GPR137C: variants seen among roughly 807,000 people sequenced by gnomAD.
The protein encoded by GPR137C is integral membrane protein GPR137C.
In GPR137C, 27 loss-of-function variants were observed where a neutral mutation model predicts 43.4. The observed-to-expected ratio is 0.62, with a 90% CI of 0.46 to 0.86. The LOEUF (loss-of-function observed/expected upper bound fraction) is 0.86, where lower values mean the gene tolerates loss of function less well. Ranked by LOEUF, GPR137C falls within the 40% of genes least tolerant of loss-of-function variation. The probability of loss-of-function intolerance (pLI) is 0.00; values close to 1 mark genes in which losing one functional copy is unlikely to be tolerated. For missense variants in GPR137C, 522 were observed against 534.6 expected (o/e 0.98, Z 0.23); for synonymous variants, 285 against 226.9 (o/e 1.26, Z -2.30).
chr14:52,583,403 C>T (rs1408021602), intron 1 of GPR137C, among the ~76,000 whole-genome samples: 1 of 152,140 alleles, frequency 6.6e-6, no homozygotes, highest in Non-Finnish European at 1.5e-5. Context: ...CCTGGTTATG[C>T]TTCTATAATG....
intron 1 of GPR137C, 89 bp downstream of exon 1, chr14:52,553,680 G>T: frequency 6.0e-6 from 4 of 672,268 alleles, no homozygotes; most frequent in Non-Finnish European, 7.4e-6. Flanking sequence ...GGGGCGGGGG[G>T]TGGGCAGCGA....
chr14:52,596,883 A>C lies in GPR137C; in HGVS notation c.445-1389A>C, dbSNP rs941885879. The C allele has an allele frequency of 1.3e-5, 6 of 453,708 alleles. No homozygotes were observed. The Admixed American group carries it at 1.4e-4, about 11-fold the overall frequency. The allele number at this position is 453,708 out of a possible 1,614,324, so 28.1% of individuals were successfully genotyped here. A position where few individuals can be genotyped will look rare whatever the true frequency, so the allele number is the denominator to read the frequency against. ...AACCAGGTACCTCAATTGGAAATGC[A>C]GAAATCACCTGTCTTCTGCGTCAAC... On this transcript the variant is annotated intron_variant, in intron 1 of 6. Transcript: ENST00000321662.
chr14:52,593,688 A>G (rs1594794917), intron 1 of GPR137C, among the ~76,000 whole-genome samples: 1 of 152,122 alleles, frequency 6.6e-6, no homozygotes, highest in East Asian at 1.9e-4. Context: ...CCCCTTTATC[A>G]TTTTTTGTTG....
chr14:52,568,744 A>G (rs2038414401), intron 1 of GPR137C, among the ~76,000 whole-genome samples: 1 of 152,128 alleles, frequency 6.6e-6, no homozygotes, highest in East Asian at 1.9e-4. Flanking sequence ...GCCTCTGTAG[A>G]TTTCTCCTCT....
intron 1 of GPR137C, among the ~76,000 whole-genome samples, chr14:52,572,161 C>A (rs2038481010): frequency 6.6e-6 from 1 of 152,170 alleles, no homozygotes; most frequent in African/African-American, 2.4e-5. Context: ...CAAACTTTAC[C>A]AGAGGTACAA....
chr14:52,569,153 A>G (rs2038424046), intron 1 of GPR137C, among the ~76,000 whole-genome samples: 1 of 152,226 alleles, frequency 6.6e-6, no homozygotes, highest in South Asian at 2.1e-4. Flanking sequence ...TACCCAGGCA[A>G]ACAGGGTCTG....
chr14:52,567,173 A>G (rs1238101749), intron 1 of GPR137C, among the ~76,000 whole-genome samples: 1 of 152,150 alleles, frequency 6.6e-6, no homozygotes, highest in Non-Finnish European at 1.5e-5. Flanking sequence ...TGGGCACTGG[A>G]GTCCCATTCC....
intron 1 of GPR137C, 142 bp downstream of exon 1, chr14:52,553,733 G>A (rs2038139694): frequency 1.4e-6 from 1 of 718,350 alleles, no homozygotes; most frequent in South Asian, 1.9e-5. Context: ...AGGCACACCT[G>A]GAGTGTGAGC....
At chr14:52,634,541 A>G (rs369244025) in intron 6 of GPR137C, among the ~76,000 whole-genome samples, 15 of 152,148 alleles carry the variant, frequency 9.9e-5, no homozygotes, top group African/African-American at 3.6e-4. Flanking sequence ...CCTGCTTTTC[A>G]TCTGTAAGAC....
chr14:52,616,768 G>A (rs2039104728), intron 3 of GPR137C, among the ~76,000 whole-genome samples: 1 of 152,138 alleles, frequency 6.6e-6, no homozygotes, highest in African/African-American at 2.4e-5. Flanking sequence ...AAGATGACCT[G>A]AAGGATGTGC....
At chr14:52,584,207 A>G (rs1318373875) in intron 1 of GPR137C, among the ~76,000 whole-genome samples, 1 of 152,200 alleles carries the variant, frequency 6.6e-6, no homozygotes, top group African/African-American at 2.4e-5. Context: ...TAATGTGTCA[A>G]CCTAAAATAA....
intron 1 of GPR137C, among the ~76,000 whole-genome samples, chr14:52,583,472 C>T (rs1031767539): frequency 6.6e-6 from 1 of 152,070 alleles, no homozygotes; most frequent in East Asian, 1.9e-4. Context: ...TTTTCTCATC[C>T]AGCTCAACTC....
chr14:52,589,385 C>T (rs1262617541), intron 1 of GPR137C, among the ~76,000 whole-genome samples: 1 of 152,036 alleles, frequency 6.6e-6, no homozygotes, highest in Non-Finnish European at 1.5e-5. Flanking sequence ...ATTTTATGTT[C>T]TATCTATGTT....
intron 1 of GPR137C, among the ~76,000 whole-genome samples, chr14:52,560,868 T>A (rs2038272312): frequency 6.6e-6 from 1 of 152,086 alleles, no homozygotes; most frequent in Non-Finnish European, 1.5e-5. Context: ...AATTGACAAA[T>A]GAGACTTTAT....
At chr14:52,630,388 T>C (rs770628774) in intron 3 of GPR137C, among the ~76,000 whole-genome samples, 2 of 152,178 alleles carry the variant, frequency 1.3e-5, no homozygotes, top group Non-Finnish European at 2.9e-5. Context: ...TCTTGTTTCC[T>C]TACTTTTCTT....
intron 3 of GPR137C, among the ~76,000 whole-genome samples, chr14:52,624,904 A>T (rs768925828): frequency 6.6e-6 from 1 of 152,178 alleles, no homozygotes; most frequent in Non-Finnish European, 1.5e-5. Context: ...ATCACTAAAC[A>T]TCTTACAGAC....
At chr14:52,615,585 A>G (rs1245287209) in intron 3 of GPR137C, among the ~76,000 whole-genome samples, 1 of 151,988 alleles carries the variant, frequency 6.6e-6, no homozygotes, top group Non-Finnish European at 1.5e-5. Flanking sequence ...GATTCTTCCA[A>G]TCCATGAACA....
chr14:52,602,659 T>C (rs991785030), intron 3 of GPR137C, among the ~76,000 whole-genome samples: 6 of 152,214 alleles, frequency 3.9e-5, no homozygotes, highest in Middle Eastern at 3.4e-3. Flanking sequence ...ACTTAATCTT[T>C]CCCCTTTTTA....
At chr14:52,631,079 T>G (rs2039288712) in intron 3 of GPR137C, among the ~76,000 whole-genome samples, 1 of 152,192 alleles carries the variant, frequency 6.6e-6, no homozygotes, top group South Asian at 2.1e-4. Flanking sequence ...TTCCTTCAAT[T>G]TACACATTCT....
Sources: allele counts gnomAD v4.1 joint callset (sites outside exome capture counted in the v4.1 genomes callset), GRCh38; gene constraint gnomAD v4.1.1; transcripts MANE v1.5; gene names NCBI Gene and HGNC (gene_info 2026-07-23, HGNC 2026-07-21).